The following LPP variants were observed in gnomAD, a reference collection of about 807,000 sequenced individuals.
The protein encoded by LPP is lipoma-preferred partner.
Under a neutral mutation model 60.4 loss-of-function variants are expected in LPP, and 38 were observed. The ratio of observed to expected loss-of-function variants is 0.63; its 90% confidence interval spans 0.49 to 0.83. The LOEUF (loss-of-function observed/expected upper bound fraction) is 0.83, where lower values mean the gene tolerates loss of function less well. Ranked by LOEUF, LPP falls within the 40% of genes least tolerant of loss-of-function variation. The pLI is 0.00. For missense variants in LPP, 902 were observed against 783.6 expected (o/e 1.15, Z -1.80); for synonymous variants, 328 against 290.8 (o/e 1.13, Z -1.30).
rs547022081 is a variant in LPP, at chr3:188,733,631, G to T, written c.1240+25238G>T. ...AATCTTTTTGCTTGTTGTTGTTGATGTGTGGTTATTGCTAGTTTAAAGGAA... is the reference window on the plus strand; with the variant it reads ...AATCTTTTTGCTTGTTGTTGTTGATTTGTGGTTATTGCTAGTTTAAAGGAA... On this transcript the variant is annotated intron_variant, in intron 8 of 11. Coordinates refer to ENST00000617246, the MANE Select transcript of LPP (RefSeq NM_001375462.1). Among the ~76,000 whole-genome samples the T allele has an allele frequency of 2.0e-5, 3 of 152,204 alleles. No individual in the cohort carries two copies. In the South Asian group the frequency reaches 6.2e-4, roughly 32 times the overall value.
chr3:188,340,704 G>T (rs1762834003), intron 2 of LPP, among the ~76,000 whole-genome samples: 1 of 152,034 alleles, frequency 6.6e-6, no homozygotes, highest in African/African-American at 2.4e-5. Flanking sequence ...GCTTTTTAGG[G>T]GTCAAGGAAA....
At chr3:188,862,712 C>CAAAAAAAAAA (rs140751676) in intron 9 of LPP, among the ~76,000 whole-genome samples, 52 of 55,458 alleles carry the variant, frequency 9.4e-4, no homozygotes, top group East Asian at 2.9e-3. Flanking sequence ...CCCTACTAGA[C>CAAAAAAAAAA]AAAAAAATAA....
At chr3:188,376,681 A>C (rs1259549231) in intron 3 of LPP, among the ~76,000 whole-genome samples, 1 of 152,190 alleles carries the variant, frequency 6.6e-6, no homozygotes, top group Admixed American at 6.5e-5. Context: ...TGTGTCTTTT[A>C]GTTGGAGCAT....
chr3:188,826,538 A>G (rs1290622618), intron 9 of LPP, among the ~76,000 whole-genome samples: 1 of 152,186 alleles, frequency 6.6e-6, no homozygotes, highest in African/African-American at 2.4e-5. Flanking sequence ...TAGGCCATCC[A>G]TGGTCTTACC....
At chr3:188,637,811 C>T (rs565919968) in intron 7 of LPP, among the ~76,000 whole-genome samples, 1 of 152,118 alleles carries the variant, frequency 6.6e-6, no homozygotes, top group East Asian at 1.9e-4. Flanking sequence ...AAGACTAAAC[C>T]AGGAAGAAGT....
rs564363944 is a variant in LPP, at chr3:188,458,539, T to A, written c.194-26053T>A. ...ATACAAAGGGATGAGATTACTATAA[T>A]GTACCGCCAGGAATATATTATCCAG... On this transcript the variant is annotated intron_variant, in intron 4 of 11. Coordinates refer to ENST00000617246, the MANE Select transcript of LPP (RefSeq NM_001375462.1). 3.3e-5 allele frequency among the ~76,000 whole-genome samples: 5 copies of A among 152,326 alleles called. No individual in the cohort carries two copies. In the East Asian group the frequency reaches 9.6e-4, roughly 29 times the overall value.
Position 188,451,046 on chromosome 3 carries a change from T to G in LPP, c.194-33546T>G, listed in dbSNP as rs151156838. 1.1e-4 allele frequency among the ~76,000 whole-genome samples: 16 copies of G among 152,270 alleles called. No individual in the cohort carries two copies. The East Asian group carries it at 3.1e-3, about 29-fold the overall frequency. ...GAGTTTCACTAGGCTCTGTGTTTTT[T>G]GTTTTTTGTTTTTGTTTTTTTTTAA... On this transcript the variant is annotated intron_variant, in intron 4 of 11. Transcript: ENST00000617246.
intron 3 of LPP, among the ~76,000 whole-genome samples, chr3:188,346,528 T>C (rs1764442067): frequency 6.6e-6 from 1 of 151,692 alleles, no homozygotes; most frequent in South Asian, 2.1e-4. Context: ...CCTACCAAAG[T>C]GCTGGGATTA....
At chr3:188,208,566 C>T (rs917360076) in intron 1 of LPP, among the ~76,000 whole-genome samples, 1 of 152,216 alleles carries the variant, frequency 6.6e-6, no homozygotes, top group African/African-American at 2.4e-5. Context: ...TTCAGAGAGA[C>T]TGGAGCCTGT....
chr3:188,278,140 C>T (rs984418121), intron 2 of LPP, among the ~76,000 whole-genome samples: 5 of 152,172 alleles, frequency 3.3e-5, no homozygotes, highest in African/African-American at 1.2e-4. Flanking sequence ...ATTTAATCCT[C>T]AAAGCCAGCC....
intron 9 of LPP, among the ~76,000 whole-genome samples, chr3:188,768,037 T>G (rs1362149540): frequency 6.6e-6 from 1 of 152,044 alleles, no homozygotes; most frequent in South Asian, 2.1e-4. Flanking sequence ...AAAAAGACAC[T>G]CAGCATAGAT....
chr3:188,788,944 C>G (rs1236717064), intron 9 of LPP, among the ~76,000 whole-genome samples: 2 of 152,134 alleles, frequency 1.3e-5, no homozygotes, highest in African/African-American at 4.8e-5. Flanking sequence ...CATCATCAGT[C>G]TTTGGGGCCC....
At chr3:188,527,401 G>A (rs1204651587) in intron 6 of LPP, among the ~76,000 whole-genome samples, 1 of 147,848 alleles carries the variant, frequency 6.8e-6, no homozygotes, top group Non-Finnish European at 1.5e-5. Context: ...GTTTCCTACA[G>A]ACAGCGTGTA....
At chr3:188,263,278 C>T (rs1274563903) in intron 2 of LPP, among the ~76,000 whole-genome samples, 2 of 152,148 alleles carry the variant, frequency 1.3e-5, no homozygotes, top group Non-Finnish European at 2.9e-5. Context: ...CAGAGGGTAG[C>T]GGGTGATGTT....
intron 5 of LPP, among the ~76,000 whole-genome samples, chr3:188,513,864 C>T (rs1267397766): frequency 1.3e-5 from 2 of 151,988 alleles, no homozygotes; most frequent in African/African-American, 4.8e-5. Context: ...CTAACTCTTA[C>T]GGGTTTAGTC....
intron 7 of LPP, among the ~76,000 whole-genome samples, chr3:188,616,473 G>A (rs1320049851): frequency 1.3e-5 from 2 of 152,156 alleles, no homozygotes; most frequent in Non-Finnish European, 2.9e-5. Flanking sequence ...GTACCATGTT[G>A]TTTTGGTTAC....
intron 5 of LPP, among the ~76,000 whole-genome samples, chr3:188,501,561 A>G (rs1466338672): frequency 6.6e-6 from 1 of 151,786 alleles, no homozygotes; most frequent in Non-Finnish European, 1.5e-5. Context: ...CATCCTGGCT[A>G]ACGCGGTGAA....
intron 7 of LPP, among the ~76,000 whole-genome samples, chr3:188,629,100 T>C (rs1382662942): frequency 6.6e-6 from 1 of 152,026 alleles, no homozygotes; most frequent in African/African-American, 2.4e-5. Flanking sequence ...TGAAGGAACA[T>C]ACTTCAAAAT....
intron 4 of LPP, among the ~76,000 whole-genome samples, chr3:188,484,134 T>C (rs1030732772): frequency 1.3e-5 from 2 of 152,188 alleles, no homozygotes; most frequent in Non-Finnish European, 2.9e-5. Context: ...TCAGGAAAAT[T>C]ATATGATCCA....
Sources: gnomAD v4.1 joint callset for allele counts (sites outside exome capture counted in the v4.1 genomes callset) on GRCh38, gnomAD v4.1.1 for gene constraint, MANE v1.5 for transcripts, NCBI Gene and HGNC (gene_info 2026-07-23, HGNC 2026-07-21) for gene names.